The following SMARCA2 variants were observed in gnomAD, a reference collection of about 807,000 sequenced individuals.
SMARCA2 encodes the protein SWI/SNF related BAF chromatin remodeling complex subunit ATPase 2, also known as SWI/SNF-related matrix-associated actin-dependent regulator of chromatin subfamily A member 2.
A neutral mutation model predicts 199.8 loss-of-function variants in SMARCA2; 61 were observed. That is an observed-to-expected ratio of 0.31 (90% CI 0.25 to 0.38). The LOEUF (loss-of-function observed/expected upper bound fraction) is 0.38. Among genes scored for constraint, SMARCA2 ranks in the 10% least tolerant of loss-of-function variants. The pLI is 1.00. For missense variants in SMARCA2, 1,344 were observed against 2,012.2 expected (o/e 0.67, Z 6.35); for synonymous variants, 935 against 732.0 (o/e 1.28, Z -4.48).
chr9:2,025,069 C>A (rs1442185809), intron 1 of SMARCA2, among the ~76,000 whole-genome samples: 1 of 141,862 alleles, frequency 7.0e-6, no homozygotes, highest in African/African-American at 2.9e-5. Flanking sequence ...CTGTGCTGAG[C>A]CTTTCAGCTA....
chr9:2,087,203 C>T (rs376182338), intron 18 of SMARCA2, 132 bp downstream of exon 18: 157 of 1,084,794 alleles, frequency 1.4e-4, no homozygotes, highest in Non-Finnish European at 1.9e-4. Flanking sequence ...TGAAACCCAT[C>T]GGTGGGTGGA....
intron 25 of SMARCA2, among the ~76,000 whole-genome samples, chr9:2,118,510 G>A (rs1823315374): frequency 6.6e-6 from 1 of 152,076 alleles, no homozygotes; most frequent in East Asian, 1.9e-4. Flanking sequence ...TTGTGAAATT[G>A]GATGTCTGAA....
At chr9:2,042,704 A>C (rs1277685925) in intron 4 of SMARCA2, 1 of 149,540 alleles carries the variant, frequency 6.7e-6, no homozygotes, top group African/African-American at 2.5e-5. Context: ...ATCTTTCGTC[A>C]TCAGGTGCCT....
At chr9:2,057,474 C>T (rs1016033554) in intron 7 of SMARCA2, among the ~76,000 whole-genome samples, 1 of 152,156 alleles carries the variant, frequency 6.6e-6, no homozygotes, top group Non-Finnish European at 1.5e-5. Flanking sequence ...TGTTCATAAT[C>T]CCATGGGAAG....
intron 31 of SMARCA2, among the ~76,000 whole-genome samples, chr9:2,184,171 C>G (rs1044815553): frequency 6.6e-6 from 1 of 152,116 alleles, no homozygotes; most frequent in Admixed American, 6.6e-5. Context: ...TGCTACTCCT[C>G]AACCTAAACA....
At chr9:2,127,885 G>GT (rs1823765927) in intron 27 of SMARCA2, among the ~76,000 whole-genome samples, 1 of 152,136 alleles carries the variant, frequency 6.6e-6, no homozygotes, top group African/African-American at 2.4e-5. Context: ...AATCTGTTTA[G>GT]TTGGTGGAAT....
At position 2,177,794 on chromosome 9, in the gene SMARCA2, G is replaced by A. The variant is rs561696662; in HGVS notation, c.4254-3777G>A. 3.3e-5 allele frequency among the ~76,000 whole-genome samples: 5 copies of A among 152,088 alleles called. No individual in the cohort carries two copies. The East Asian group carries it at 5.8e-4, about 18-fold the overall frequency. ...CTCGAACTCCTGACCTCAGGTGATC[G>A]GCCCGCCTCTGCCTCCCAAAGTGCT... On this transcript the variant is annotated intron_variant, in intron 29 of 33. Transcript: ENST00000349721.
chr9:2,058,578 T>G (rs1185702772), intron 8 of SMARCA2, 114 bp downstream of exon 8: 4 of 881,360 alleles, frequency 4.5e-6, no homozygotes, highest in Non-Finnish European at 7.0e-6. Flanking sequence ...TATCAAAAAT[T>G]TTAGTAAATT....
Position 2,193,348 on chromosome 9 carries a change from C to CTTAA in SMARCA2, c.*612_*615dup, listed in dbSNP as rs1013204125. 3.3e-5 allele frequency: 5 copies of CTTAA among 152,560 alleles called. No homozygotes were observed. Among genetic ancestry groups the CTTAA allele is most frequent in the African/African-American group, 7.2e-5 (3 of 41,424 alleles). 9.5% of individuals were successfully genotyped at this position (152,560 alleles called of 1,614,324 possible). On this transcript the variant is annotated 3_prime_UTR_variant, in exon 34 of 34. Transcript: ENST00000349721. ...AGATTTATGTCTACTGTAAACATTG[C>CTTAA]TTAATTTTTTTGCTCTTGATTTAAA...
rs551324139 is a variant in SMARCA2, at chr9:2,161,156, G to A, written c.3982-530G>A. On this transcript the variant is annotated intron_variant, in intron 27 of 33. Coordinates refer to ENST00000349721, the MANE Select transcript of SMARCA2 (RefSeq NM_003070.5). This position sits in a 1 kb window ranked among gnomAD's most constrained non-coding sequence, Gnocchi z 4.7. The stretch of plus-strand genomic sequence containing the variant: ...CGTTTCCTTGTTTACTAATTGCCAC[G>A]TTAGAACAAAAATCTAGATGGAATT... The A allele has an allele frequency of 4.6e-4, 71 of 154,814 alleles. No individual in the cohort carries two copies. Among genetic ancestry groups the A allele is most frequent in the African/African-American group, 1.6e-3 (67 of 41,572 alleles). 9.6% of individuals were successfully genotyped at this position (154,814 alleles called of 1,614,324 possible).
At chr9:2,173,388 A>C (rs1301717894) in intron 29 of SMARCA2, among the ~76,000 whole-genome samples, 1 of 152,214 alleles carries the variant, frequency 6.6e-6, no homozygotes, top group Non-Finnish European at 1.5e-5. Flanking sequence ...GTATTACTGT[A>C]AATGAGAGCG....
At chr9:2,053,379 A>G (rs12380390) in intron 5 of SMARCA2, among the ~76,000 whole-genome samples, 17,727 of 152,220 alleles carry the variant, frequency 0.12, 1,197 homozygotes, top group Middle Eastern at 0.16. Flanking sequence ...AGGTCCAGGA[A>G]GGTTCTCGGA....
At chr9:2,088,289 AGAC>A (rs1396657803) in intron 18 of SMARCA2, among the ~76,000 whole-genome samples, 1 of 152,210 alleles carries the variant, frequency 6.6e-6, no homozygotes, top group Non-Finnish European at 1.5e-5. Flanking sequence ...CTCAGCGTTA[AGAC>A]AAAGACACCT....
At chr9:2,096,796 G>A (rs1356355462) in intron 20 of SMARCA2, 32 bp downstream of exon 20, 2 of 1,231,248 alleles carry the variant, frequency 1.6e-6, no homozygotes, top group East Asian at 4.6e-5. Flanking sequence ...AACTCAAGGT[G>A]CTGTGGTATG....
intron 30 of SMARCA2, among the ~76,000 whole-genome samples, 187 bp downstream of exon 30, chr9:2,181,863 G>C (rs760858343): frequency 2.0e-5 from 3 of 152,116 alleles, no homozygotes; most frequent in Non-Finnish European, 2.9e-5. Flanking sequence ...ACGTTATATT[G>C]CATTTTATTG....
chr9:2,131,502 A>G (rs1228275514), intron 27 of SMARCA2, among the ~76,000 whole-genome samples: 1 of 152,224 alleles, frequency 6.6e-6, no homozygotes, highest in African/African-American at 2.4e-5. Context: ...TTTAGAAGCC[A>G]TAGAATTTCA....
Position 2,029,091 on chromosome 9 carries a change from T to G in SMARCA2, c.69T>G (p.Pro23=). The G allele has an allele frequency of 6.3e-7, 1 of 1,585,526 alleles. No homozygotes were observed. The highest frequency in any genetic ancestry group is 8.6e-7 in the Non-Finnish European group (1 of 1,164,104). ...PGPSPGPGPS[P]GPILGPSPGP... Reference sequence around the variant, plus strand: ...CTTCGCCGGGGCCTGGGCCTTCCCCTGGGCCAATTCTTGGGCCTAGTCCAG... The same window carrying G: ...CTTCGCCGGGGCCTGGGCCTTCCCCGGGGCCAATTCTTGGGCCTAGTCCAG... Residue 23 remains proline (P), a synonymous_variant, in exon 2 of 34, where the codon CCT becomes CCG. Coordinates refer to ENST00000349721, the MANE Select transcript of SMARCA2 (RefSeq NM_003070.5).
chr9:2,139,438 T>C (rs1352301384), intron 27 of SMARCA2, among the ~76,000 whole-genome samples: 1 of 152,124 alleles, frequency 6.6e-6, no homozygotes, highest in Non-Finnish European at 1.5e-5. Flanking sequence ...ACAAGACTGG[T>C]CGAGTCACCA....
intron 22 of SMARCA2, 108 bp from the exon 23 acceptor site, chr9:2,103,895 G>T: frequency 2.5e-6 from 2 of 790,374 alleles, no homozygotes; most frequent in South Asian, 2.1e-5. Context: ...GTTACTTATT[G>T]AATGTTTACA....
Sources: gnomAD v4.1 joint callset for allele counts (sites outside exome capture counted in the v4.1 genomes callset) on GRCh38, gnomAD v4.1.1 for gene constraint, Gnocchi (gnomAD v3.1) non-coding constraint, MANE v1.5 for transcripts, NCBI Gene and HGNC (gene_info 2026-07-23, HGNC 2026-07-21) for gene names.